DRC9: variants seen among roughly 807,000 people sequenced by gnomAD.
DRC9 encodes the protein dynein regulatory complex subunit 9.
chr3:197,946,168 G>A, the DRC9 span, among the ~76,000 whole-genome samples: 9 of 152,186 alleles, frequency 5.9e-5, no homozygotes, highest in Non-Finnish European at 1.0e-4. Flanking sequence ...GGGCGCGGGG[G>A]CTCACGCCTG....
the DRC9 span, chr3:197,938,608 T>C: frequency 6.2e-7 from 1 of 1,614,240 alleles, no homozygotes; most frequent in Non-Finnish European, 8.5e-7. Context: ...TGTAGGTTTT[T>C]TGAAGACAAG....
the DRC9 span, among the ~76,000 whole-genome samples, chr3:197,936,400 T>A: frequency 6.6e-6 from 1 of 152,178 alleles, no homozygotes; most frequent in Non-Finnish European, 1.5e-5. Flanking sequence ...GGGGCCTCAC[T>A]GTCACACACG....
chr3:197,907,957 C>A, the DRC9 span, among the ~76,000 whole-genome samples: 2 of 148,700 alleles, frequency 1.3e-5, no homozygotes, highest in East Asian at 4.1e-4. Context: ...ACAGGGGTGA[C>A]TGTACCAGGT....
At chr3:197,954,556 C>G in the DRC9 span, 1 of 316,454 alleles carries the variant, frequency 3.2e-6, no homozygotes. Context: ...GTCACGCAGG[C>G]TGGAGTGCAG....
the DRC9 span, chr3:197,954,431 T>C: frequency 4.4e-6 from 2 of 457,322 alleles, no homozygotes; most frequent in East Asian, 8.9e-5. Context: ...CCTCCTGGGT[T>C]CAAGCAATCC....
the DRC9 span, chr3:197,950,950 G>A: frequency 4.3e-6 from 7 of 1,614,060 alleles, 1 homozygote; most frequent in Admixed American, 5.0e-5. Flanking sequence ...GCTGGGAACG[G>A]GACTTCTAAA....
the DRC9 span, among the ~76,000 whole-genome samples, chr3:197,891,918 CTCTG>C: frequency 6.6e-6 from 1 of 152,172 alleles, no homozygotes; most frequent in South Asian, 2.1e-4. Flanking sequence ...CAGAGTCTCA[CTCTG>C]TCTGTCACCC....
the DRC9 span, chr3:197,950,768 G>A: frequency 1.6e-6 from 1 of 633,776 alleles, no homozygotes; most frequent in Non-Finnish European, 2.8e-6. Context: ...AGGTTTGAAT[G>A]TCTTGCCGGA....
chr3:197,891,646 A>G, the DRC9 span: 2 of 557,860 alleles, frequency 3.6e-6, no homozygotes, highest in Non-Finnish European at 6.3e-6. Context: ...AAAATAAAAC[A>G]TGCTCAATCT....
chr3:197,936,096 G>A, the DRC9 span, among the ~76,000 whole-genome samples: 3 of 152,002 alleles, frequency 2.0e-5, no homozygotes, highest in African/African-American at 4.8e-5. Context: ...CTCAGGAGGC[G>A]GAGGTTGCAG....
At chr3:197,930,996 T>C in the DRC9 span, among the ~76,000 whole-genome samples, 1 of 148,598 alleles carries the variant, frequency 6.7e-6, no homozygotes, top group East Asian at 2.0e-4. Context: ...ATTGTGCCAC[T>C]GCACTCCAGT....
the DRC9 span, chr3:197,912,828 C>T: frequency 1.7e-6 from 2 of 1,155,138 alleles, no homozygotes; most frequent in East Asian, 2.3e-5. Context: ...AGCAGCAGCT[C>T]GGTCGGTAGC....
At chr3:197,956,016 T>A in the DRC9 span, 1 of 501,080 alleles carries the variant, frequency 2.0e-6, no homozygotes, top group Non-Finnish European at 3.6e-6. Context: ...TTGCCCATGC[T>A]GGAGTGTAGT....
chr3:197,915,122 C>T, the DRC9 span, among the ~76,000 whole-genome samples: 5 of 140,720 alleles, frequency 3.6e-5, no homozygotes, highest in Non-Finnish European at 6.0e-5. Context: ...TGAGATCATG[C>T]CACTGCAGTC....
the DRC9 span, among the ~76,000 whole-genome samples, chr3:197,903,773 G>A: frequency 6.6e-6 from 1 of 151,684 alleles, no homozygotes; most frequent in Admixed American, 6.6e-5. Context: ...AATATATGAA[G>A]AGCTCAAACA....
the DRC9 span, among the ~76,000 whole-genome samples, chr3:197,922,032 T>A: frequency 2.6e-5 from 4 of 151,882 alleles, no homozygotes; most frequent in Non-Finnish European, 5.9e-5. Context: ...CTACTGGTTT[T>A]CAGTAACTCT....
chr3:197,890,060 T>A, the DRC9 span, among the ~76,000 whole-genome samples: 1 of 152,150 alleles, frequency 6.6e-6, no homozygotes. Flanking sequence ...CCAAAAAGAA[T>A]GTTAGTTACC....
chr3:197,927,549 T>G, the DRC9 span, among the ~76,000 whole-genome samples: 2 of 152,172 alleles, frequency 1.3e-5, no homozygotes, highest in African/African-American at 2.4e-5. Flanking sequence ...AAGCACATAG[T>G]TAATTAACTA....
the DRC9 span, among the ~76,000 whole-genome samples, chr3:197,936,713 A>C: frequency 1.3e-5 from 2 of 152,194 alleles, no homozygotes; most frequent in Non-Finnish European, 2.9e-5. Flanking sequence ...GATTCTGGAT[A>C]ACTGGTGGAG....
Sources: allele counts gnomAD v4.1 joint callset (sites outside exome capture counted in the v4.1 genomes callset), GRCh38; gene constraint gnomAD v4.1.1; transcripts MANE v1.5; gene names NCBI Gene and HGNC (gene_info 2026-07-23, HGNC 2026-07-21).